Variants in BICC1 observed in about 807,000 individuals in gnomAD.
BICC1 encodes the protein BicC family RNA binding protein 1.
A neutral mutation model predicts 111.0 loss-of-function variants in BICC1; 43 were observed. That is an observed-to-expected ratio of 0.39 (90% CI 0.30 to 0.50). BICC1 has a LOEUF of 0.50. Ranked by LOEUF, BICC1 falls within the 20% of genes least tolerant of loss-of-function variation. The pLI is 0.88. For synonymous variants in BICC1, 467 were observed against 434.4 expected, an observed-to-expected ratio of 1.07 and a Z score of -0.93; for missense variants, 1,091 against 1,203.2, an observed-to-expected ratio of 0.91 and a Z score of 1.38.
intron 20 of BICC1, among the ~76,000 whole-genome samples, chr10:58,824,641 C>T (rs1241220304): frequency 6.6e-6 from 1 of 152,144 alleles, no homozygotes; most frequent in Non-Finnish European, 1.5e-5. Flanking sequence ...TACATTGTAA[C>T]TTCACAATTC....
At chr10:58,527,558 C>A (rs1842577331) in intron 1 of BICC1, among the ~76,000 whole-genome samples, 1 of 152,106 alleles carries the variant, frequency 6.6e-6, no homozygotes, top group Non-Finnish European at 1.5e-5. Context: ...GGTTTTAGGT[C>A]TAACATTTAA....
At chr10:58,792,202 T>TA (rs1479405380) in intron 8 of BICC1, among the ~76,000 whole-genome samples, 5 of 151,618 alleles carry the variant, frequency 3.3e-5, no homozygotes, top group Non-Finnish European at 7.4e-5. Context: ...TCAGAGAAAG[T>TA]ATATTACATT....
intron 2 of BICC1, among the ~76,000 whole-genome samples, chr10:58,642,694 TTATTATTATTATTATTATTATTATTA>T (rs1838159149): frequency 1.3e-3 from 1 of 742 alleles, no homozygotes; most frequent in South Asian, 0.042. Flanking sequence ...ATTATTATTA[TTATTATTATTATTATTATTATTATTA>T]TTGAGGCAGG....
At chr10:58,651,953 A>G (rs1293132736) in intron 2 of BICC1, among the ~76,000 whole-genome samples, 1 of 152,082 alleles carries the variant, frequency 6.6e-6, no homozygotes, top group Non-Finnish European at 1.5e-5. Flanking sequence ...TGCTCAATAG[A>G]CCTTGTTGGT....
chr10:58,522,380 T>C (rs1690243988), intron 1 of BICC1, among the ~76,000 whole-genome samples: 1 of 152,042 alleles, frequency 6.6e-6, no homozygotes, highest in Admixed American at 6.6e-5. Context: ...GCAATCAAAC[T>C]AGAACTCAGG....
intron 2 of BICC1, among the ~76,000 whole-genome samples, chr10:58,688,473 C>G (rs1839812500): frequency 6.6e-6 from 1 of 152,040 alleles, no homozygotes; most frequent in Non-Finnish European, 1.5e-5. Context: ...TCTCCAAGTC[C>G]CCCCCTGACC....
At chr10:58,632,835 G>C (rs1292574353) in intron 2 of BICC1, among the ~76,000 whole-genome samples, 1 of 149,304 alleles carries the variant, frequency 6.7e-6, no homozygotes, top group East Asian at 2.0e-4. Context: ...ACAGATTAAA[G>C]GTTTTACATA....
intron 3 of BICC1, among the ~76,000 whole-genome samples, chr10:58,763,023 T>C (rs1324263025): frequency 1.3e-5 from 2 of 151,378 alleles, no homozygotes; most frequent in African/African-American, 4.9e-5. Context: ...TAAGGCCCTG[T>C]GATATATTGT....
chr10:58,760,931 G>A (rs1184067637), intron 3 of BICC1, among the ~76,000 whole-genome samples: 3 of 152,120 alleles, frequency 2.0e-5, no homozygotes, highest in Non-Finnish European at 2.9e-5. Context: ...AGAATCAGAG[G>A]ACCCCAAAGG....
At chr10:58,811,950 C>A (rs1351627777) in intron 17 of BICC1, among the ~76,000 whole-genome samples, 1 of 152,114 alleles carries the variant, frequency 6.6e-6, no homozygotes, top group African/African-American at 2.4e-5. Context: ...GGACCATCAG[C>A]ATCAGAGAAG....
At chr10:58,692,898 A>G (rs1839953516) in intron 2 of BICC1, among the ~76,000 whole-genome samples, 1 of 150,544 alleles carries the variant, frequency 6.6e-6, no homozygotes, top group African/African-American at 2.5e-5. Context: ...TTTAGGGTAC[A>G]TGTGCACAAC....
rs140273333 is a variant in BICC1, at chr10:58,699,512, G to A, written c.238-2562G>A. Among the ~76,000 whole-genome samples, 71 of 152,264 alleles carry A rather than the reference G, an allele frequency of 4.7e-4. 1 individual carries two copies. The East Asian group carries it at 0.012, about 25-fold the overall frequency. ...AATGATTTAAGATTTCAGAAAGTTAGGTCTTCTACACATATGTCAAAAGGC... is the reference window on the plus strand; with the variant it reads ...AATGATTTAAGATTTCAGAAAGTTAAGTCTTCTACACATATGTCAAAAGGC... On this transcript the variant is annotated intron_variant, in intron 2 of 20. Coordinates refer to ENST00000373886, the MANE Select transcript of BICC1 (RefSeq NM_001080512.3).
At chr10:58,631,004 C>T (rs1046257217) in intron 2 of BICC1, among the ~76,000 whole-genome samples, 2 of 152,018 alleles carry the variant, frequency 1.3e-5, no homozygotes, top group African/African-American at 4.8e-5. Context: ...TTTTGCTAGT[C>T]AGTTACCAGC....
chr10:58,721,251 C>T (rs1016164978), intron 3 of BICC1, among the ~76,000 whole-genome samples: 2 of 152,154 alleles, frequency 1.3e-5, no homozygotes, highest in African/African-American at 4.8e-5. Flanking sequence ...TTTCTCTCTC[C>T]CCAGTCAGGC....
intron 3 of BICC1, among the ~76,000 whole-genome samples, chr10:58,724,725 A>T (rs982956540): frequency 1.3e-5 from 2 of 152,156 alleles, no homozygotes; most frequent in African/African-American, 4.8e-5. Context: ...TGACTTCAAG[A>T]TGGGGACACT....
In BICC1 at chr10:58,798,445, A is replaced by G; in HGVS notation, c.1413A>G (p.Pro471=). The G allele has an allele frequency of 6.2e-7, 1 of 1,612,858 alleles. No homozygotes were observed. Among genetic ancestry groups the G allele is most frequent in the Non-Finnish European group, 8.5e-7 (1 of 1,179,438 alleles). ...TTLSLNTSTT[P]NSLLNALNSS... ...TATCTCTGAACACTTCAACAACCCC[A>G]AACTCACTCTTGAATGCTCTTAATA... The change falls in exon 11 of 21, where the codon CCA becomes CCG. Residue 471 remains proline (P), a synonymous_variant. Coordinates refer to ENST00000373886, the MANE Select transcript of BICC1 (RefSeq NM_001080512.3).
intron 9 of BICC1, among the ~76,000 whole-genome samples, 200 bp from the exon 10 acceptor site, chr10:58,796,140 A>G (rs1280646929): frequency 6.6e-6 from 1 of 152,176 alleles, no homozygotes; most frequent in Non-Finnish European, 1.5e-5. Context: ...ATAAATGGTA[A>G]CCAATAATTT....
At chr10:58,794,363 CAG>C (rs1170989681) in intron 9 of BICC1, among the ~76,000 whole-genome samples, 2 of 151,544 alleles carry the variant, frequency 1.3e-5, no homozygotes, top group Admixed American at 1.3e-4. Flanking sequence ...AATCTCTCCT[CAG>C]AGTGTTGTAA....
At chr10:58,783,134 G>A (rs930528675) in intron 3 of BICC1, among the ~76,000 whole-genome samples, 2 of 152,204 alleles carry the variant, frequency 1.3e-5, no homozygotes, top group African/African-American at 4.8e-5. Context: ...CAGGTTAAGT[G>A]TCAGGGGAGG....
Sources: gnomAD v4.1 joint callset for allele counts (sites outside exome capture counted in the v4.1 genomes callset) on GRCh38, gnomAD v4.1.1 for gene constraint, MANE v1.5 for transcripts, NCBI Gene and HGNC (gene_info 2026-07-23, HGNC 2026-07-21) for gene names.